IDH1: variants seen among roughly 807,000 people sequenced by gnomAD.
IDH1 encodes the protein isocitrate dehydrogenase (NADP(+)) 1, also known as isocitrate dehydrogenase [NADP] cytoplasmic.
In IDH1, 33 loss-of-function variants were observed where a neutral mutation model predicts 46.1. The observed-to-expected ratio is 0.72, with a 90% CI of 0.54 to 0.96. IDH1 has a LOEUF of 0.96. Ranked by LOEUF, IDH1 falls within the 40% of genes least tolerant of loss-of-function variation. The probability of loss-of-function intolerance (pLI) is 0.00; values close to 1 mark genes in which losing one functional copy is unlikely to be tolerated. For missense variants in IDH1, 421 were observed against 515.7 expected (o/e 0.82, Z 1.78); for synonymous variants, 144 against 172.8 (o/e 0.83, Z 1.31).
intron 9 of IDH1, 95 bp from the exon 10 acceptor site, chr2:208,237,264 CTATT>C (rs1322914106): frequency 4.2e-6 from 3 of 721,304 alleles, no homozygotes; most frequent in African/African-American, 1.7e-5. Flanking sequence ...AAATAGTATT[CTATT>C]TGTTTCTGGA....
intron 4 of IDH1, among the ~76,000 whole-genome samples, chr2:208,246,405 C>G (rs1022319426): frequency 3.3e-5 from 5 of 152,018 alleles, no homozygotes; most frequent in Non-Finnish European, 7.4e-5. Flanking sequence ...GATTAAACAC[C>G]TACTTTACAC....
intron 1 of IDH1, among the ~76,000 whole-genome samples, 163 bp downstream of exon 1, chr2:208,254,776 A>G (rs555136341): frequency 2.0e-5 from 3 of 151,598 alleles, no homozygotes; most frequent in Admixed American, 6.6e-5. Flanking sequence ...TTCTTTTCCC[A>G]TTCTCAATAC....
At chr2:208,252,610 T>C (rs1455279483) in intron 2 of IDH1, among the ~76,000 whole-genome samples, 1 of 152,240 alleles carries the variant, frequency 6.6e-6, no homozygotes, top group Non-Finnish European at 1.5e-5. Context: ...CAAATTGCTT[T>C]TATTCTCTTA....
chr2:208,239,890 C>T lies in IDH1; in HGVS notation c.964G>A (p.Gly322Arg), dbSNP rs113732076. The change falls in exon 8 of 10, where the codon GGA becomes AGA. Residue 322 changes from glycine (G) to arginine (R), a missense_variant. Coordinates refer to ENST00000345146, the MANE Select transcript of IDH1 (RefSeq NM_005896.4). ...ATGGGATTGGTGGACGTCTCCTGTC[C>T]TTTCTGGTACATGCGGTAGTGACGG... The part of the protein sequence containing the change: ...VTRHYRMYQK[G>R]QETSTNPIAS... The T allele has an allele frequency of 2.5e-6, 4 of 1,614,148 alleles. No homozygotes were observed. The African/African-American group carries it at 5.3e-5, about 22-fold the overall frequency.
At chr2:208,245,649 T>C (rs1305160889) in intron 4 of IDH1, among the ~76,000 whole-genome samples, 1 of 151,362 alleles carries the variant, frequency 6.6e-6, no homozygotes. Context: ...AGGAAAGTTT[T>C]CTGAGCACTG....
chr2:208,239,647 T>C (rs956086421), intron 8 of IDH1, among the ~76,000 whole-genome samples: 1 of 152,250 alleles, frequency 6.6e-6, no homozygotes, highest in African/African-American at 2.4e-5. Flanking sequence ...AAAATGCTTG[T>C]TGATAACATT....
chr2:208,238,245 C>G (rs1043357625), intron 9 of IDH1, among the ~76,000 whole-genome samples: 1 of 151,954 alleles, frequency 6.6e-6, no homozygotes, highest in African/African-American at 2.4e-5. Flanking sequence ...CTGTGTTAGC[C>G]AGGATGGTCT....
Position 208,241,974 on chromosome 2 carries a change from G to T in IDH1, c.850+20C>A, listed in dbSNP as rs1178655003. 2 of 1,610,856 alleles carry T rather than the reference G, an allele frequency of 1.2e-6. No individual in the cohort carries two copies. The highest frequency in any genetic ancestry group is 1.7e-6 in the Non-Finnish European group (2 of 1,179,018). ...CCCTGGAATGACCCTGTTCCTACAGGCCAGGCTCCACCTCTGTACCTTGGG... is the reference window on the plus strand; with the variant it reads ...CCCTGGAATGACCCTGTTCCTACAGTCCAGGCTCCACCTCTGTACCTTGGG... On this transcript the variant is annotated intron_variant, in intron 7 of 9. Transcript: ENST00000345146.
rs760963029 is a variant in IDH1, at chr2:208,237,169, A to G, written c.1155T>C (p.Asn385=). 3.3e-6 allele frequency: 5 copies of G among 1,525,992 alleles called. No individual in the cohort carries two copies. Among genetic ancestry groups the G allele is most frequent in the Middle Eastern group, 1.7e-4 (1 of 5,924 alleles). 94.5% of individuals were successfully genotyped at this position (1,525,992 alleles called of 1,614,324 possible). Residue 385 remains asparagine, a splice_region_variant and synonymous_variant, in exon 10 of 10, where the codon AAT becomes AAC. Coordinates refer to ENST00000345146, the MANE Select transcript of IDH1 (RefSeq NM_005896.4). ...DLAACIKGLP[N]VQRSDYLNTF... is the part of the protein sequence containing the mutation. ...TATTCAAGTAGTCAGAACGTTGCAC[A>G]CTAACGGGAAGGAAAAAAAAAAGAA...
intron 4 of IDH1, chr2:208,247,875 T>C (rs1686721850): frequency 5.9e-6 from 1 of 170,284 alleles, no homozygotes; most frequent in Admixed American, 5.8e-5. Context: ...GCACATTAGA[T>C]TCACCTGGGG....
At chr2:208,251,386 A>G (rs1688120046) in intron 3 of IDH1, 44 bp downstream of exon 3, 1 of 1,609,382 alleles carries the variant, frequency 6.2e-7, no homozygotes, top group Admixed American at 1.7e-5. Context: ...GCCCAGCCAG[A>G]TTATCCTTTC....
intron 9 of IDH1, among the ~76,000 whole-genome samples, chr2:208,237,764 C>CAAAAAAAAAA (rs11433971): frequency 7.2e-5 from 7 of 97,588 alleles, no homozygotes; most frequent in Admixed American, 1.1e-4. Flanking sequence ...ACTAAAAATA[C>CAAAAAAAAAA]AAAAAAAAAA....
At chr2:208,243,295 C>T in intron 6 of IDH1, 132 bp downstream of exon 6, 1 of 747,426 alleles carries the variant, frequency 1.3e-6, no homozygotes, top group South Asian at 1.7e-5. Flanking sequence ...CAGTTTTGCC[C>T]TTATCTTTAA....
At chr2:208,253,434 C>T (rs1031776873) in intron 2 of IDH1, among the ~76,000 whole-genome samples, 5 of 152,204 alleles carry the variant, frequency 3.3e-5, no homozygotes, top group African/African-American at 1.2e-4. Context: ...ACTGACTTCT[C>T]CACCTTTGTT....
intron 9 of IDH1, among the ~76,000 whole-genome samples, chr2:208,238,193 G>A (rs1687852102): frequency 1.3e-5 from 2 of 151,822 alleles, no homozygotes; most frequent in South Asian, 2.1e-4. Flanking sequence ...CCGCCACCAC[G>A]CCTGGTTAAT....
At chr2:208,243,116 G>T (rs1420700809) in intron 6 of IDH1, among the ~76,000 whole-genome samples, 1 of 152,154 alleles carries the variant, frequency 6.6e-6, no homozygotes, top group African/African-American at 2.4e-5. Context: ...AAATGGGTCT[G>T]ACTTAGAAAC....
At chr2:208,239,785 C>G in intron 8 of IDH1, 78 bp downstream of exon 8, 2 of 1,433,194 alleles carry the variant, frequency 1.4e-6, no homozygotes, top group African/African-American at 2.8e-5. Flanking sequence ...ACACAAAACA[C>G]TGAGCAGCCA....
chr2:208,245,675 A>G (rs1272305528), intron 4 of IDH1, among the ~76,000 whole-genome samples: 1 of 151,284 alleles, frequency 6.6e-6, no homozygotes, highest in Non-Finnish European at 1.5e-5. Context: ...AAGAGGACAG[A>G]GAATAACATA....
intron 9 of IDH1, among the ~76,000 whole-genome samples, chr2:208,238,148 G>A (rs1687850861): frequency 6.6e-6 from 1 of 150,464 alleles, no homozygotes. Flanking sequence ...CCATTCTCCT[G>A]CCTCAGCCTC....
Sources: allele counts gnomAD v4.1 joint callset (sites outside exome capture counted in the v4.1 genomes callset), GRCh38; gene constraint gnomAD v4.1.1; transcripts MANE v1.5; gene names NCBI Gene and HGNC (gene_info 2026-07-23, HGNC 2026-07-21).